Variants in ZNF184 observed in about 807,000 individuals in gnomAD.
ZNF184 encodes zinc finger protein 184.
Under a neutral mutation model 54.4 loss-of-function variants are expected in ZNF184, and 16 were observed. The observed-to-expected ratio is 0.29, with a 90% CI of 0.20 to 0.45. The LOEUF (loss-of-function observed/expected upper bound fraction) is 0.45, where lower values mean the gene tolerates loss of function less well. Among genes scored for constraint, ZNF184 ranks in the 20% least tolerant of loss-of-function variants. The pLI is 1.00. For synonymous variants in ZNF184, 254 were observed against 295.3 expected, an observed-to-expected ratio of 0.86 and a Z score of 1.43; for missense variants, 681 against 888.2, an observed-to-expected ratio of 0.77 and a Z score of 2.97.
chr6:27,468,317 A>G (rs1439498955), intron 2 of ZNF184, among the ~76,000 whole-genome samples: 2 of 152,218 alleles, frequency 1.3e-5, no homozygotes, highest in Admixed American at 6.5e-5. Flanking sequence ...TAAATATCAC[A>G]ATGACATATG....
chr6:27,452,235 C>T lies in ZNF184; in HGVS notation c.1324G>A (p.Gly442Arg). The T allele has an allele frequency of 2.5e-6, 4 of 1,614,048 alleles. No individual in the cohort carries two copies. The highest frequency in any genetic ancestry group is 2.5e-6 in the Non-Finnish European group (3 of 1,180,000). The part of the protein sequence containing the change: ...NLTQHQKTHT[G>R]EKPYDCAECG... ...TCTGCACAATCATAGGGTTTCTCCCCAGTATGAGTTTTTTGATGCTGAGTG... is the reference window on the plus strand; with the variant it reads ...TCTGCACAATCATAGGGTTTCTCCCTAGTATGAGTTTTTTGATGCTGAGTG... The change falls in exon 6 of 6, where the codon GGG becomes AGG. Residue 442 changes from glycine to arginine, a missense_variant. Coordinates refer to ENST00000683788, the MANE Select transcript of ZNF184 (RefSeq NM_001318891.2). This position sits in a 1 kb window ranked among gnomAD's most constrained non-coding sequence, Gnocchi z 5.5.
chr6:27,462,266 C>T (rs1408448494), intron 3 of ZNF184, among the ~76,000 whole-genome samples: 3 of 151,658 alleles, frequency 2.0e-5, no homozygotes, highest in African/African-American at 4.8e-5. Context: ...GGCGTGATCT[C>T]GGCTCACTGC....
At chr6:27,456,223 ACTACAGC>A (rs1762850363) in intron 5 of ZNF184, among the ~76,000 whole-genome samples, 1 of 151,924 alleles carries the variant, frequency 6.6e-6, no homozygotes, top group Non-Finnish European at 1.5e-5. Flanking sequence ...ACGCCACTGC[ACTACAGC>A]CTGGGCAACA....
At position 27,472,822 on chromosome 6, in the gene ZNF184, C is replaced by T. The variant is rs1763312025; in HGVS notation, c.-233G>A. 1 of 153,270 alleles carries T rather than the reference C, an allele frequency of 6.5e-6. No individual in the cohort carries two copies. The highest frequency in any genetic ancestry group is 1.5e-5 in the Non-Finnish European group (1 of 68,686). The allele number at this position is 153,270 out of a possible 1,614,324, so 9.5% of individuals were successfully genotyped here. A position where few individuals can be genotyped will look rare whatever the true frequency, so the allele number is the denominator to read the frequency against. Reference sequence around the variant, plus strand: ...GCCAGAACAAAAGAACAAAGCCCTCCAAGGGATCAGGGCGGGACCGCCCCG... The same window carrying T: ...GCCAGAACAAAAGAACAAAGCCCTCTAAGGGATCAGGGCGGGACCGCCCCG... On this transcript the variant is annotated 5_prime_UTR_variant, in exon 1 of 6. Coordinates refer to ENST00000683788, the MANE Select transcript of ZNF184 (RefSeq NM_001318891.2). The surrounding 1 kb of genome is among the most constrained non-coding windows in gnomAD (Gnocchi z 4.8).
At chr6:27,425,666 A>G in the ZNF184 span, among the ~76,000 whole-genome samples, 1 of 152,184 alleles carries the variant, frequency 6.6e-6, no homozygotes. Context: ...TCCTCTTAGA[A>G]CAAGTGAAAC....
At chr6:27,461,430 G>C (rs1762993353) in intron 3 of ZNF184, among the ~76,000 whole-genome samples, 2 of 152,068 alleles carry the variant, frequency 1.3e-5, no homozygotes, top group East Asian at 3.9e-4. Context: ...ACTAAAGCGT[G>C]GTCATGGGTC....
In ZNF184 at chr6:27,452,549, T is replaced by C. The variant is rs755846905; in HGVS notation, c.1010A>G (p.Asn337Ser). 3.1e-6 allele frequency: 5 copies of C among 1,613,998 alleles called. No individual in the cohort carries two copies. Among genetic ancestry groups the C allele is most frequent in the South Asian group, 1.1e-5 (1 of 91,088 alleles). The part of the protein sequence containing the change: ...IHTGEKPYTC[N>S]ECGKAFSQRG... ...CTGGCTAAAGGCTTTTCCACACTCATTACAAGTGTATGGCTTCTCGCCAGT... is the reference window on the plus strand; with the variant it reads ...CTGGCTAAAGGCTTTTCCACACTCACTACAAGTGTATGGCTTCTCGCCAGT... Residue 337 changes from asparagine (N) to serine (S), a missense_variant, in exon 6 of 6, where the codon AAT (asparagine) becomes AGT (serine). Coordinates refer to ENST00000683788, the MANE Select transcript of ZNF184 (RefSeq NM_001318891.2). This position sits in a 1 kb window ranked among gnomAD's most constrained non-coding sequence, Gnocchi z 5.5.
intron 3 of ZNF184, among the ~76,000 whole-genome samples, chr6:27,461,974 A>C (rs1367404793): frequency 6.6e-6 from 1 of 152,230 alleles, no homozygotes; most frequent in Non-Finnish European, 1.5e-5. Context: ...TAAAGGAGTC[A>C]AGGGACCAGA....
intron 3 of ZNF184, among the ~76,000 whole-genome samples, chr6:27,467,036 A>G (rs1258793465): frequency 1.3e-5 from 2 of 152,140 alleles, no homozygotes; most frequent in African/African-American, 4.8e-5. Context: ...CCTGTGTAAC[A>G]TCTGTTAATC....
rs61736959 is a variant in ZNF184 at position 27,457,404 on chromosome 6, C to T, written c.81G>A (p.Ala27=). 884 of 1,613,576 alleles carry T rather than the reference C, an allele frequency of 5.5e-4. 4 individuals are homozygous for T. In the African/African-American group the frequency reaches 0.01, roughly 18 times the overall value. ...NLLSSASFQE[A]VTFKDVIVDF... is the part of the protein sequence containing the mutation. The stretch of plus-strand genomic sequence containing the variant: ...CCACTATCACATCCTTGAAAGTCAC[C>T]GCTTCCTGAAATACCAAACATATTT... Residue 27 remains alanine (A), a synonymous_variant, in exon 4 of 6, where the codon GCG becomes GCA. Coordinates refer to ENST00000683788, the MANE Select transcript of ZNF184 (RefSeq NM_001318891.2).
At chr6:27,413,279 A>G in the ZNF184 span, among the ~76,000 whole-genome samples, 1 of 152,244 alleles carries the variant, frequency 6.6e-6, no homozygotes, top group Non-Finnish European at 1.5e-5. Context: ...AAGAAAAAAA[A>G]ACAGATTTAA....
chr6:27,459,254 A>G (rs1380536052), intron 3 of ZNF184, among the ~76,000 whole-genome samples: 1 of 152,226 alleles, frequency 6.6e-6, no homozygotes, highest in African/African-American at 2.4e-5. Flanking sequence ...AACACAAAGA[A>G]GTGATAAATG....
intron 3 of ZNF184, among the ~76,000 whole-genome samples, chr6:27,458,633 G>A (rs1464689519): frequency 6.6e-6 from 1 of 152,002 alleles, no homozygotes; most frequent in Non-Finnish European, 1.5e-5. Context: ...TGGTGGGAAT[G>A]TAAATTAGTA....
chr6:27,461,334 G>A (rs1762990427), intron 3 of ZNF184, among the ~76,000 whole-genome samples: 1 of 152,090 alleles, frequency 6.6e-6, no homozygotes, highest in African/African-American at 2.4e-5. Context: ...TTTTCCTTCT[G>A]ATCCTCTTTT....
chr6:27,422,148 A>AAAAAAGAAAAGAAAAGAAAAGAAAGAAAG, the ZNF184 span, among the ~76,000 whole-genome samples: 1 of 43,456 alleles, frequency 2.3e-5, no homozygotes. Context: ...CTCAAAAAAA[A>AAAAAAGAAAAGAAAAGAAAAGAAAGAAAG]AAAGAAAGAA....
chr6:27,464,155 G>A (rs1420779862), intron 3 of ZNF184, among the ~76,000 whole-genome samples: 5 of 152,058 alleles, frequency 3.3e-5, no homozygotes, highest in Admixed American at 2.0e-4. Flanking sequence ...AATCACTCAC[G>A]ATTGTGAACT....
chr6:27,443,258 G>A, the ZNF184 span, among the ~76,000 whole-genome samples: 5 of 152,126 alleles, frequency 3.3e-5, no homozygotes, highest in Admixed American at 6.6e-5. Flanking sequence ...GGGTGAGGTA[G>A]GTGCCCTTTT....
At position 27,451,832 on chromosome 6, in the gene ZNF184, T is replaced by G. The variant is rs369639172; in HGVS notation, c.1727A>C (p.His576Pro). 3.1e-6 allele frequency: 5 copies of G among 1,613,288 alleles called. No individual in the cohort carries two copies. Among genetic ancestry groups the G allele is most frequent in the Non-Finnish European group, 3.4e-6 (4 of 1,180,018 alleles). ...TFSYGSSLIQ[H>P]RKIHTGERPY... Reference sequence around the variant, plus strand: ...TCGTTCTCCAGTATGGATCTTCCTATGCTGAATAAGGGATGAACCATAACT... The same window carrying G: ...TCGTTCTCCAGTATGGATCTTCCTAGGCTGAATAAGGGATGAACCATAACT... The change falls in exon 6 of 6, where the codon CAT becomes CCT. Residue 576 changes from histidine (H) to proline (P), a missense_variant. His to Pro is a moderately conservative substitution (Grantham distance 77, BLOSUM62 -2). Transcript: ENST00000683788.
the ZNF184 span, among the ~76,000 whole-genome samples, chr6:27,408,916 A>G: frequency 0.036 from 5,428 of 152,272 alleles, 204 homozygotes; most frequent in African/African-American, 0.095. Context: ...TCACCAAACA[A>G]TGATTAACCT....
Sources: gnomAD v4.1 joint callset for allele counts (sites outside exome capture counted in the v4.1 genomes callset) on GRCh38, gnomAD v4.1.1 for gene constraint, Gnocchi (gnomAD v3.1) non-coding constraint, MANE v1.5 for transcripts, NCBI Gene and HGNC (gene_info 2026-07-23, HGNC 2026-07-21) for gene names.